GABRG3: variants seen among roughly 807,000 people sequenced by gnomAD.
The protein encoded by GABRG3 is gamma-aminobutyric acid receptor subunit gamma-3.
Under a neutral mutation model 48.8 loss-of-function variants are expected in GABRG3, and 25 were observed. The observed-to-expected ratio is 0.51, with a 90% CI of 0.37 to 0.72. The LOEUF (loss-of-function observed/expected upper bound fraction) is 0.72. GABRG3 is among the 30% of genes least tolerant of loss of function. The pLI is 0.00. For missense variants in GABRG3, 394 were observed against 577.9 expected, an observed-to-expected ratio of 0.68 and a Z score of 3.26; for synonymous variants, 227 against 217.6, an observed-to-expected ratio of 1.04 and a Z score of -0.38.
At chr15:27,170,737 T>G (rs556802899) in intron 3 of GABRG3, among the ~76,000 whole-genome samples, 1 of 152,294 alleles carries the variant, frequency 6.6e-6, no homozygotes, top group Admixed American at 6.5e-5. Context: ...ATGGACCATG[T>G]GAATCATGTA....
At chr15:27,499,095 A>G (rs77271595) in intron 6 of GABRG3, among the ~76,000 whole-genome samples, 2,007 of 152,326 alleles carry the variant, frequency 0.013, 26 homozygotes, top group Non-Finnish European at 0.02. Flanking sequence ...CGGCATCCCA[A>G]GATAACCAAC....
intron 3 of GABRG3, among the ~76,000 whole-genome samples, chr15:27,171,846 G>A (rs1340310552): frequency 6.6e-6 from 1 of 152,120 alleles, no homozygotes; most frequent in Non-Finnish European, 1.5e-5. Flanking sequence ...TTCTACGACT[G>A]TAATAGAATA....
chr15:27,313,179 CATATATATATATATGT>C (rs1424128155), intron 3 of GABRG3, among the ~76,000 whole-genome samples: 1 of 132,154 alleles, frequency 7.6e-6, no homozygotes, highest in African/African-American at 2.8e-5. Flanking sequence ...TCAGCAGAAA[CATATATATATATATGT>C]GTATATATAT....
chr15:27,506,851 T>C (rs2150856660), intron 6 of GABRG3, among the ~76,000 whole-genome samples: 1 of 152,168 alleles, frequency 6.6e-6, no homozygotes, highest in East Asian at 1.9e-4. Context: ...TTCATTTCTC[T>C]GGTTTTTTTT....
At chr15:27,124,802 T>C (rs1411651286) in intron 3 of GABRG3, among the ~76,000 whole-genome samples, 6 of 152,220 alleles carry the variant, frequency 3.9e-5, no homozygotes, top group Admixed American at 2.6e-4. Flanking sequence ...TCTCTGCTTA[T>C]AAAACCCTGG....
chr15:27,219,215 C>T (rs1182928429), intron 3 of GABRG3, among the ~76,000 whole-genome samples: 2 of 152,188 alleles, frequency 1.3e-5, no homozygotes, highest in African/African-American at 2.4e-5. Flanking sequence ...TTCTATTGCT[C>T]TACACTGTGG....
intron 3 of GABRG3, among the ~76,000 whole-genome samples, chr15:27,178,514 G>A (rs554919474): frequency 8.5e-5 from 13 of 152,278 alleles, no homozygotes; most frequent in African/African-American, 1.9e-4. Flanking sequence ...TTGGCTCTCC[G>A]AAGGTTTGCT....
chr15:27,248,374 T>C (rs1245788964), intron 3 of GABRG3, among the ~76,000 whole-genome samples: 1 of 152,064 alleles, frequency 6.6e-6, no homozygotes, highest in Non-Finnish European at 1.5e-5. Flanking sequence ...GGCTGATGGG[T>C]CCACAGGGCT....
chr15:27,054,885 G>C (rs778947228), intron 3 of GABRG3, among the ~76,000 whole-genome samples: 1 of 152,032 alleles, frequency 6.6e-6, no homozygotes, highest in South Asian at 2.1e-4. Context: ...TACTGTCCTC[G>C]TTTTGAGGGG....
intron 3 of GABRG3, among the ~76,000 whole-genome samples, chr15:27,314,087 A>C (rs1893127084): frequency 6.6e-6 from 1 of 152,122 alleles, no homozygotes; most frequent in South Asian, 2.1e-4. Context: ...AGAAAGAAAA[A>C]AGAAGCTCGA....
chr15:27,338,401 G>A (rs1894050142), intron 5 of GABRG3, among the ~76,000 whole-genome samples: 1 of 152,140 alleles, frequency 6.6e-6, no homozygotes, highest in Non-Finnish European at 1.5e-5. Flanking sequence ...GCTATGAGGA[G>A]ATGCCAGAAA....
intron 3 of GABRG3, among the ~76,000 whole-genome samples, chr15:27,089,243 C>T (rs546406997): frequency 2.0e-5 from 3 of 152,214 alleles, no homozygotes; most frequent in South Asian, 2.1e-4. Flanking sequence ...GAATCAGCTG[C>T]GGAATCCACA....
intron 3 of GABRG3, among the ~76,000 whole-genome samples, chr15:27,108,957 T>C (rs1897497736): frequency 6.6e-6 from 1 of 152,104 alleles, no homozygotes. Context: ...CATAATAAAA[T>C]AGGCAAAAAG....
intron 2 of GABRG3, among the ~76,000 whole-genome samples, chr15:26,990,253 G>A (rs986910102): frequency 6.6e-6 from 1 of 152,114 alleles, no homozygotes; most frequent in Non-Finnish European, 1.5e-5. Flanking sequence ...AGTGTACAAG[G>A]GTTCCCTTTT....
intron 3 of GABRG3, among the ~76,000 whole-genome samples, chr15:27,118,920 A>C (rs1273157761): frequency 6.6e-6 from 1 of 152,186 alleles, no homozygotes; most frequent in Non-Finnish European, 1.5e-5. Flanking sequence ...GGATCAGTAC[A>C]CACTGCCCCA....
intron 3 of GABRG3, among the ~76,000 whole-genome samples, chr15:27,057,739 A>G (rs745850889): frequency 2.0e-5 from 3 of 152,178 alleles, no homozygotes; most frequent in African/African-American, 4.8e-5. Flanking sequence ...TTGGAAATCT[A>G]TCATACCAGC....
intron 3 of GABRG3, among the ~76,000 whole-genome samples, chr15:27,320,507 T>C (rs748735071): frequency 1.3e-5 from 2 of 152,190 alleles, no homozygotes; most frequent in African/African-American, 2.4e-5. Context: ...CACTGCAGAA[T>C]CCTAAACATG....
rs556865213 is a variant in GABRG3 at position 27,457,580 on chromosome 15, C to T, written c.575-23070C>T. Among the ~76,000 whole-genome samples the T allele has an allele frequency of 9.2e-5, 14 of 152,138 alleles. No homozygotes were observed. Among genetic ancestry groups the T allele is most frequent in the African/African-American group, 2.9e-4 (12 of 41,426 alleles). On this transcript the variant is annotated intron_variant, in intron 5 of 9. Coordinates refer to ENST00000615808, the MANE Select transcript of GABRG3 (RefSeq NM_033223.5). The surrounding 1 kb of genome is among the most constrained non-coding windows in gnomAD (Gnocchi z 4.4). ...TTAGATACGGACACGTTCCCTGCCCCGTATCTAAAGTGGCTTGGCCAGGAT... is the reference window on the plus strand; with the variant it reads ...TTAGATACGGACACGTTCCCTGCCCTGTATCTAAAGTGGCTTGGCCAGGAT...
intron 5 of GABRG3, among the ~76,000 whole-genome samples, chr15:27,429,351 G>A (rs1888381869): frequency 6.6e-6 from 1 of 152,196 alleles, no homozygotes; most frequent in Non-Finnish European, 1.5e-5. Context: ...AGAGTTAGCA[G>A]AAGGGCTTGG....
Sources: allele counts gnomAD v4.1 joint callset (sites outside exome capture counted in the v4.1 genomes callset), GRCh38; gene constraint gnomAD v4.1.1; non-coding constraint Gnocchi (gnomAD v3.1); transcripts MANE v1.5; gene names NCBI Gene and HGNC (gene_info 2026-07-23, HGNC 2026-07-21).